The following ARSI variants were observed in gnomAD, a reference collection of about 807,000 sequenced individuals.
ARSI encodes the protein arylsulfatase family member I, also known as arylsulfatase I.
A neutral mutation model predicts 42.1 loss-of-function variants in ARSI; 37 were observed. That is an observed-to-expected ratio of 0.88 (90% CI 0.68 to 1.16). ARSI has a LOEUF of 1.16. Among genes scored for constraint, ARSI ranks in the 50% most tolerant of loss-of-function variants. The probability of loss-of-function intolerance (pLI) is 0.00; values close to 1 mark genes in which losing one functional copy is unlikely to be tolerated. For synonymous variants in ARSI, 305 were observed against 320.3 expected (o/e 0.95, Z 0.51); for missense variants, 725 against 790.1 (o/e 0.92, Z 0.99).
At position 150,297,251 on chromosome 5, in the gene ARSI, C is replaced by T. The variant is rs775966190; in HGVS notation, c.1673G>A (p.Arg558His). 1.1e-5 allele frequency: 17 copies of T among 1,588,694 alleles called. No individual in the cohort carries two copies. The highest frequency in any genetic ancestry group is 2.3e-5 in the South Asian group (2 of 85,608). The part of the protein sequence containing the change: ...CKICKLRSFF[R>H]KLNTRLMSQR... ...GGACATTAGCCTGGTGTTGAGTTTACGGAAAAAGGATCGAAGCTTGCAAAT... is the reference window on the plus strand; with the variant it reads ...GGACATTAGCCTGGTGTTGAGTTTATGGAAAAAGGATCGAAGCTTGCAAAT... Residue 558 changes from arginine (R) to histidine (H), a missense_variant, in exon 2 of 2, where the codon CGT (arginine) becomes CAT (histidine). Coordinates refer to ENST00000328668, the MANE Select transcript of ARSI (RefSeq NM_001012301.4). The surrounding 1 kb of genome is among the most constrained non-coding windows in gnomAD (Gnocchi z 7.0).
Position 150,302,612 on chromosome 5 carries a change from C to T in ARSI, c.-239G>A, listed in dbSNP as rs1033051689. On this transcript the variant is annotated 5_prime_UTR_variant, in exon 1 of 2. Coordinates refer to ENST00000328668, the MANE Select transcript of ARSI (RefSeq NM_001012301.4). This position sits in a 1 kb window ranked among gnomAD's most constrained non-coding sequence, Gnocchi z 6.1. Reference sequence around the variant, plus strand: ...GCCGAGCTGCCTCCCGCTGCCTAAGCGCAGGCCCTGCGCCGCCTTTGCTCC... The same window carrying T: ...GCCGAGCTGCCTCCCGCTGCCTAAGTGCAGGCCCTGCGCCGCCTTTGCTCC... 6 of 368,186 alleles carry T rather than the reference C, an allele frequency of 1.6e-5. No homozygotes were observed. Among genetic ancestry groups the T allele is most frequent in the Non-Finnish European group, 2.4e-5 (5 of 208,222 alleles). The allele number at this position is 368,186 out of a possible 1,614,324, so 22.8% of individuals were successfully genotyped here.
Position 150,302,639 on chromosome 5 carries a change from T to C in ARSI, c.-266A>G. The C allele has an allele frequency of 2.9e-6, 1 of 346,264 alleles. No homozygotes were observed. Among genetic ancestry groups the C allele is most frequent in the Admixed American group, 4.8e-5 (1 of 20,774 alleles). 21.4% of individuals were successfully genotyped at this position (346,264 alleles called of 1,614,324 possible). A position where few individuals can be genotyped will look rare whatever the true frequency, so the allele number is the denominator to read the frequency against. ...CAGGCCCTGCGCCGCCTTTGCTCCC[T>C]CTTCCCCAGCTCAGCCCGGCCAGCC... On this transcript the variant is annotated 5_prime_UTR_variant, in exon 1 of 2. Transcript: ENST00000328668. The surrounding 1 kb of genome is among the most constrained non-coding windows in gnomAD (Gnocchi z 6.1).
chr5:150,299,371 G>A (rs1208320983), intron 1 of ARSI, among the ~76,000 whole-genome samples: 2 of 152,120 alleles, frequency 1.3e-5, no homozygotes, highest in Admixed American at 6.5e-5. Flanking sequence ...CTTGGCCGTG[G>A]GATTATACTC....
rs1757813435 is a variant in ARSI at position 150,297,024 on chromosome 5, A to G, written c.*190T>C. On this transcript the variant is annotated 3_prime_UTR_variant, in exon 2 of 2. Transcript: ENST00000328668. The surrounding 1 kb of genome is among the most constrained non-coding windows in gnomAD (Gnocchi z 7.0). ...GCAAGTCCGTGAGGAGGCAGGACTG[A>G]GACACAGGCATCCCAGTCTGGTTTA... 1.1e-5 allele frequency: 6 copies of G among 554,692 alleles called. No homozygotes were observed. Among genetic ancestry groups the G allele is most frequent in the South Asian group, 1.0e-4 (3 of 28,974 alleles). The allele number at this position is 554,692 out of a possible 1,614,324, so 34.4% of individuals were successfully genotyped here.
In ARSI at chr5:150,296,687, G is replaced by T. The variant is rs927222909; in HGVS notation, c.*527C>A. The T allele has an allele frequency of 6.5e-6, 1 of 152,752 alleles. No homozygotes were observed. The highest frequency in any genetic ancestry group is 1.5e-5 in the Non-Finnish European group (1 of 68,482). The allele number at this position is 152,752 out of a possible 1,614,324, so 9.5% of individuals were successfully genotyped here. A position where few individuals can be genotyped will look rare whatever the true frequency, so the allele number is the denominator to read the frequency against. On this transcript the variant is annotated 3_prime_UTR_variant, in exon 2 of 2. Transcript: ENST00000328668. ...TGGCCTAGGCCATGTGAAGACCCAA[G>T]AAGGTCAACCCCCCCGACCCCTGCC...
At position 150,302,314 on chromosome 5, in the gene ARSI, C is replaced by G. The variant is rs1260555625; in HGVS notation, c.60G>C (p.Trp20Cys). The stretch of plus-strand genomic sequence containing the variant: ...CCACGAAGCTCGGCTTGGCCCAGTC[C>G]CAGGACAGGTAGCCGAAGCTGAGCA... ...VSLLSFGYLS[W>C]DWAKPSFVAD... Residue 20 changes from tryptophan (W) to cysteine (C), a missense_variant, in exon 1 of 2, where the codon TGG (tryptophan) becomes TGC (cysteine). Transcript: ENST00000328668. The surrounding 1 kb of genome is among the most constrained non-coding windows in gnomAD (Gnocchi z 6.1). 1 of 1,591,216 alleles carries G rather than the reference C, an allele frequency of 6.3e-7. No individual in the cohort carries two copies. The highest frequency in any genetic ancestry group is 8.5e-7 in the Non-Finnish European group (1 of 1,170,204).
rs781367883 is a variant in ARSI, at chr5:150,297,330, C to T, written c.1594G>A (p.Glu532Lys). 3 of 1,613,636 alleles carry T rather than the reference C, an allele frequency of 1.9e-6. No homozygotes were observed. The Admixed American group carries it at 5.0e-5, about 27-fold the overall frequency. Residue 532 changes from glutamate (E) to lysine (K), a missense_variant, in exon 2 of 2, where the codon GAG becomes AAG. By Grantham distance (56) the Glu-to-Lys change is moderately conservative. Transcript: ENST00000328668. The surrounding 1 kb of genome is among the most constrained non-coding windows in gnomAD (Gnocchi z 7.0). The part of the protein sequence containing the change: ...PWASDEEEEE[E>K]EGRARSFSRG... ...GAGAAGCTTCGAGCCCTCCCTTCCT[C>T]TTCCTCCTCTTCCTCATCACTGGCC...
In ARSI at chr5:150,302,050, G is replaced by C; in HGVS notation, c.311+13C>G. On this transcript the variant is annotated intron_variant, in intron 1 of 1. Coordinates refer to ENST00000328668, the MANE Select transcript of ARSI (RefSeq NM_001012301.4). The surrounding 1 kb of genome is among the most constrained non-coding windows in gnomAD (Gnocchi z 6.1). ...TTTAGATGCCCAGCCCCGGGGCCTT[G>C]AGCCACGCCTACCTGCCAGTGAGGA... is the stretch of plus-strand genomic sequence containing the variant. 6.4e-7 allele frequency: 1 copy of C among 1,560,228 alleles called. No homozygotes were observed. The highest frequency in any genetic ancestry group is 1.4e-5 in the African/African-American group (1 of 74,026).
rs189890558 is a variant in ARSI at position 150,297,990 on chromosome 5, G to A, written c.934C>T (p.Arg312Ter). ...TFSGGSNWPL[R>*]GRKGTYWEGG... is the part of the protein sequence containing the mutation. ...TCCCAATAAGTGCCCTTGCGTCCTCGGAGCGGCCAGTTGCTGCCCCCCGAG... is the reference window on the plus strand; with the variant it reads ...TCCCAATAAGTGCCCTTGCGTCCTCAGAGCGGCCAGTTGCTGCCCCCCGAG... The change falls in exon 2 of 2, where the codon CGA (arginine) becomes TGA (stop). Residue 312 changes from arginine (R) to a stop codon, truncating the protein, a stop_gained. Transcript: ENST00000328668. LOFTEE classifies it high-confidence loss of function. The surrounding 1 kb of genome is among the most constrained non-coding windows in gnomAD (Gnocchi z 7.0). 1.2e-5 allele frequency: 20 copies of A among 1,612,522 alleles called. No homozygotes were observed. The highest frequency in any genetic ancestry group is 7.7e-5 in the South Asian group (7 of 91,054).
chr5:150,302,030 A>G lies in ARSI; in HGVS notation c.311+33T>C, dbSNP rs1317763140. ...TCAACTGGGTTGATTTGGGGTTTAG[A>G]TGCCCAGCCCCGGGGCCTTGAGCCA... is the stretch of plus-strand genomic sequence containing the variant. On this transcript the variant is annotated intron_variant, in intron 1 of 1. Coordinates refer to ENST00000328668, the MANE Select transcript of ARSI (RefSeq NM_001012301.4). The surrounding 1 kb of genome is among the most constrained non-coding windows in gnomAD (Gnocchi z 6.1). The G allele has an allele frequency of 6.5e-7, 1 of 1,530,966 alleles. No individual in the cohort carries two copies. The highest frequency in any genetic ancestry group is 2.0e-5 in the Admixed American group (1 of 49,578). 94.8% of individuals were successfully genotyped at this position (1,530,966 alleles called of 1,614,324 possible).
chr5:150,299,893 C>T (rs561303958), intron 1 of ARSI, among the ~76,000 whole-genome samples: 1 of 152,290 alleles, frequency 6.6e-6, no homozygotes, highest in East Asian at 1.9e-4. Flanking sequence ...TTAGGCAAAT[C>T]CTGAATTCCT....
rs1229657878 is a variant in ARSI, at chr5:150,298,083, G to A, written c.841C>T (p.Leu281Phe). 3.7e-6 allele frequency: 6 copies of A among 1,613,294 alleles called. No homozygotes were observed. Among genetic ancestry groups the A allele is most frequent in the Non-Finnish European group, 5.1e-6 (6 of 1,180,002 alleles). The change falls in exon 2 of 2, where the codon CTC becomes TTC. Residue 281 changes from leucine to phenylalanine, a missense_variant. By Grantham distance (22) the Leu-to-Phe change is conservative. Coordinates refer to ENST00000328668, the MANE Select transcript of ARSI (RefSeq NM_001012301.4). Reference protein sequence around the residue: ...DEAVRNITWALKRYGFYNNSV... With the variant: ...DEAVRNITWAFKRYGFYNNSV... ...TTGTTGTAGAAACCGTAGCGCTTGA[G>A]GGCCCAGGTGATGTTGCGCACAGCC...
rs772383970 is a variant in ARSI, at chr5:150,302,226, T to C, written c.148A>G (p.Ile50Val). ...SAAPPQPPHI[I>V]FILTDDQGYH... ...CCTTGGTCGTCCGTGAGGATGAAGA[T>C]GATGTGGGGAGGCTGGGGCGGAGCG... The change falls in exon 1 of 2, where the codon ATC (isoleucine) becomes GTC (valine). Residue 50 changes from isoleucine to valine, a missense_variant. Transcript: ENST00000328668. This position sits in a 1 kb window ranked among gnomAD's most constrained non-coding sequence, Gnocchi z 6.1. 1.2e-6 allele frequency: 2 copies of C among 1,613,558 alleles called. No homozygotes were observed. Among genetic ancestry groups the C allele is most frequent in the South Asian group, 1.1e-5 (1 of 90,996 alleles).
At chr5:150,299,025 A>G (rs1166876373) in intron 1 of ARSI, among the ~76,000 whole-genome samples, 1 of 152,214 alleles carries the variant, frequency 6.6e-6, no homozygotes, top group East Asian at 1.9e-4. Flanking sequence ...CTCACCACAA[A>G]TTCAGAGGTA....
At position 150,302,574 on chromosome 5, in the gene ARSI, A is replaced by C. The variant is rs1365732802; in HGVS notation, c.-201T>G. 2.7e-5 allele frequency: 11 copies of C among 409,838 alleles called. No homozygotes were observed. In the Middle Eastern group the frequency reaches 2.5e-3, roughly 92 times the overall value. 25.4% of individuals were successfully genotyped at this position (409,838 alleles called of 1,614,324 possible). The stretch of plus-strand genomic sequence containing the variant: ...TCGGCCGCAGCGGGGCGCTCTGGGG[A>C]GGTCAGGCCCGCGCCGAGCTGCCTC... On this transcript the variant is annotated 5_prime_UTR_variant, in exon 1 of 2. Transcript: ENST00000328668. The surrounding 1 kb of genome is among the most constrained non-coding windows in gnomAD (Gnocchi z 6.1).
Position 150,302,746 on chromosome 5 carries a change from C to A in ARSI, c.-373G>T. 1 of 175,578 alleles carries A rather than the reference C, an allele frequency of 5.7e-6. No individual in the cohort carries two copies. The allele number at this position is 175,578 out of a possible 1,614,324, so 10.9% of individuals were successfully genotyped here. A position where few individuals can be genotyped will look rare whatever the true frequency, so the allele number is the denominator to read the frequency against. On this transcript the variant is annotated 5_prime_UTR_variant, in exon 1 of 2. Coordinates refer to ENST00000328668, the MANE Select transcript of ARSI (RefSeq NM_001012301.4). The surrounding 1 kb of genome is among the most constrained non-coding windows in gnomAD (Gnocchi z 6.1). ...CTTCCTTCTTGCCCTGGATTTCTCC[C>A]GCCTCCTAATTTCTCTCTCCTCTGC... is the stretch of plus-strand genomic sequence containing the variant.
intron 1 of ARSI, among the ~76,000 whole-genome samples, chr5:150,298,983 T>C (rs1329239286): frequency 1.3e-5 from 2 of 152,228 alleles, no homozygotes; most frequent in Admixed American, 1.3e-4. Context: ...GGCATTACAC[T>C]AATCCTCTTA....
rs1403718225 is a variant in ARSI, at chr5:150,302,470, G to C, written c.-97C>G. 9.5e-6 allele frequency: 9 copies of C among 943,764 alleles called. No homozygotes were observed. Among genetic ancestry groups the C allele is most frequent in the Non-Finnish European group, 1.3e-5 (9 of 695,668 alleles). The allele number at this position is 943,764 out of a possible 1,614,324, so 58.5% of individuals were successfully genotyped here. Reference sequence around the variant, plus strand: ...CCACCGGCCCGCCGGCTCGGATGCTGCGAGGGAGTTCAGCGCCCCCCGGGG... The same window carrying C: ...CCACCGGCCCGCCGGCTCGGATGCTCCGAGGGAGTTCAGCGCCCCCCGGGG... On this transcript the variant is annotated 5_prime_UTR_variant, in exon 1 of 2. Coordinates refer to ENST00000328668, the MANE Select transcript of ARSI (RefSeq NM_001012301.4). The surrounding 1 kb of genome is among the most constrained non-coding windows in gnomAD (Gnocchi z 6.1).
chr5:150,297,888 G>C lies in ARSI; in HGVS notation c.1036C>G (p.His346Asp), dbSNP rs777402195. 3.1e-6 allele frequency: 5 copies of C among 1,612,256 alleles called. No homozygotes were observed. The highest frequency in any genetic ancestry group is 4.2e-6 in the Non-Finnish European group (5 of 1,179,534). The change falls in exon 2 of 2, where the codon CAC (histidine) becomes GAC (aspartate). Residue 346 changes from histidine to aspartate, a missense_variant. By Grantham distance (81) the His-to-Asp change is moderately conservative. Transcript: ENST00000328668. This position sits in a 1 kb window ranked among gnomAD's most constrained non-coding sequence, Gnocchi z 7.0. ...AGGGTCGGGTACCAGTCAGTGATGT[G>C]CATCAGTGCCCGGCTTGTCCGTTGC... ...RKQRTSRALM[H>D]ITDWYPTLVG...
Sources: allele counts gnomAD v4.1 joint callset (sites outside exome capture counted in the v4.1 genomes callset), GRCh38; gene constraint gnomAD v4.1.1; non-coding constraint Gnocchi (gnomAD v3.1); transcripts MANE v1.5; gene names NCBI Gene and HGNC (gene_info 2026-07-23, HGNC 2026-07-21).